Variants in CACNG5 observed in about 807,000 individuals in gnomAD.
The protein encoded by CACNG5 is voltage-dependent calcium channel gamma-5 subunit.
A neutral mutation model predicts 24.8 loss-of-function variants in CACNG5; 18 were observed. That is an observed-to-expected ratio of 0.73 (90% CI 0.50 to 1.08). CACNG5 has a LOEUF of 1.08. Among genes scored for constraint, CACNG5 ranks in the 50% least tolerant of loss-of-function variants. The pLI is 0.00. For missense variants in CACNG5, 349 were observed against 367.9 expected (o/e 0.95, Z 0.42); for synonymous variants, 157 against 149.1 (o/e 1.05, Z -0.39).
At chr17:66,865,268 GT>G (rs34773445) in intron 1 of CACNG5, among the ~76,000 whole-genome samples, 36,406 of 142,210 alleles carry the variant, frequency 0.26, 5,705 homozygotes, top group East Asian at 0.66. Context: ...CTATTTTTAT[GT>G]TTTTTTTTTT....
chr17:66,842,717 G>A (rs964356984), intron 1 of CACNG5, among the ~76,000 whole-genome samples: 11 of 152,308 alleles, frequency 7.2e-5, no homozygotes, highest in Admixed American at 5.2e-4. Context: ...GGCCATAAGA[G>A]CCCCAGGCAG....
rs1977369335 is a variant in CACNG5 at position 66,893,249 on chromosome 17, A to G, written c.*8009A>G. ...GGTAAATGTACCCTCTTCTATAATC[A>G]GAGAAATAATCCAGGTTCCCATCCA... On this transcript the variant is annotated 3_prime_UTR_variant, in exon 6 of 6. Coordinates refer to ENST00000533854, the MANE Select transcript of CACNG5 (RefSeq NM_145811.3). Among the ~76,000 whole-genome samples the G allele has an allele frequency of 1.3e-5, 2 of 152,160 alleles. No individual in the cohort carries two copies. Among genetic ancestry groups the G allele is most frequent in the Admixed American group, 6.5e-5 (1 of 15,272 alleles).
intron 1 of CACNG5, among the ~76,000 whole-genome samples, chr17:66,846,302 T>C (rs919232934): frequency 4.6e-5 from 7 of 152,232 alleles, no homozygotes; most frequent in African/African-American, 1.7e-4. Flanking sequence ...TTCAGTGGCA[T>C]TTGATACATT....
intron 5 of CACNG5, 119 bp downstream of exon 5, chr17:66,884,780 C>T: frequency 1.9e-6 from 3 of 1,613,492 alleles, no homozygotes; most frequent in Non-Finnish European, 2.5e-6. Flanking sequence ...CCGGACCACC[C>T]ACTCTACTTC....
rs1464956072 is a variant in CACNG5 at position 66,894,488 on chromosome 17, A to G, written c.*9248A>G. Among the ~76,000 whole-genome samples the G allele has an allele frequency of 6.6e-6, 1 of 151,890 alleles. No homozygotes were observed. Among genetic ancestry groups the G allele is most frequent in the Non-Finnish European group, 1.5e-5 (1 of 67,980 alleles). On this transcript the variant is annotated 3_prime_UTR_variant, in exon 6 of 6. Transcript: ENST00000533854. ...TGTCCTGGGCTGTTTCTCCGGTGTG[A>G]TTTCATTTTATTTGCTTTGAATCCT...
chr17:66,845,724 A>G (rs993780443), intron 1 of CACNG5, among the ~76,000 whole-genome samples: 1 of 152,180 alleles, frequency 6.6e-6, no homozygotes, highest in Non-Finnish European at 1.5e-5. Flanking sequence ...CATTCATGCC[A>G]TGGTCACTGA....
chr17:66,869,373 C>T (rs374053649), intron 1 of CACNG5, among the ~76,000 whole-genome samples: 1 of 152,180 alleles, frequency 6.6e-6, no homozygotes, highest in East Asian at 1.9e-4. Flanking sequence ...TGTGAGCCAA[C>T]TCGCCTGGCC....
intron 1 of CACNG5, among the ~76,000 whole-genome samples, chr17:66,876,367 T>C (rs552903568): frequency 2.6e-4 from 39 of 152,306 alleles, no homozygotes; most frequent in Admixed American, 1.7e-3. Flanking sequence ...AGACTGGCTA[T>C]GGGCTCCACG....
At chr17:66,842,025 C>G (rs542257804) in intron 1 of CACNG5, among the ~76,000 whole-genome samples, 1 of 152,314 alleles carries the variant, frequency 6.6e-6, no homozygotes, top group South Asian at 2.1e-4. Flanking sequence ...AAAGTAAAGG[C>G]CAGAAGAGGG....
At chr17:66,877,038 T>A (rs574480810) in intron 1 of CACNG5, among the ~76,000 whole-genome samples, 192 bp from the exon 2 acceptor site, 35 of 152,242 alleles carry the variant, frequency 2.3e-4, no homozygotes, top group African/African-American at 7.9e-4. Flanking sequence ...GCAAGGGGAC[T>A]CCCAGAGAGG....
At position 66,894,052 on chromosome 17, in the gene CACNG5, A is replaced by G. The variant is rs1480754997; in HGVS notation, c.*8812A>G. On this transcript the variant is annotated 3_prime_UTR_variant, in exon 6 of 6. Transcript: ENST00000533854. ...TCCAAAGTCCAGCGGTGTAGGTGCC[A>G]GGGTTCTTGACACCTGTTGTCCTGT... 1.3e-5 allele frequency among the ~76,000 whole-genome samples: 2 copies of G among 152,152 alleles called. No homozygotes were observed. Among genetic ancestry groups the G allele is most frequent in the African/African-American group, 4.8e-5 (2 of 41,420 alleles).
chr17:66,848,926 C>T (rs1420136878), intron 1 of CACNG5, among the ~76,000 whole-genome samples: 1 of 152,140 alleles, frequency 6.6e-6, no homozygotes, highest in Non-Finnish European at 1.5e-5. Context: ...GAGGGGTGTC[C>T]TCCCCAGGAA....
At chr17:66,876,964 T>G (rs1436529985) in intron 1 of CACNG5, among the ~76,000 whole-genome samples, 1 of 148,218 alleles carries the variant, frequency 6.7e-6, no homozygotes, top group African/African-American at 2.5e-5. Flanking sequence ...CTCCCATGTC[T>G]GGCACAATGG....
At chr17:66,859,229 T>A (rs1330646899) in intron 1 of CACNG5, among the ~76,000 whole-genome samples, 1 of 152,198 alleles carries the variant, frequency 6.6e-6, no homozygotes, top group Non-Finnish European at 1.5e-5. Context: ...CGCCCTGAAG[T>A]AGCTGGTACA....
rs188256709 is a variant in CACNG5 at position 66,889,756 on chromosome 17, C to A, written c.*4516C>A. On this transcript the variant is annotated 3_prime_UTR_variant, in exon 6 of 6. Coordinates refer to ENST00000533854, the MANE Select transcript of CACNG5 (RefSeq NM_145811.3). ...CAGTGCAGTGGTTGAGGCCCACCGA[C>A]GTTAGAAAAGGTAATTGCTTTACTC... Among the ~76,000 whole-genome samples the A allele has an allele frequency of 6.6e-6, 1 of 152,120 alleles. No homozygotes were observed. The highest frequency in any genetic ancestry group is 2.4e-5 in the African/African-American group (1 of 41,416).
At chr17:66,875,057 G>T (rs2143106333) in intron 1 of CACNG5, among the ~76,000 whole-genome samples, 1 of 152,276 alleles carries the variant, frequency 6.6e-6, no homozygotes, top group Admixed American at 6.5e-5. Context: ...TCTTCCCCAG[G>T]ACCTGGGTTC....
intron 1 of CACNG5, among the ~76,000 whole-genome samples, chr17:66,860,660 C>T (rs1002963409): frequency 6.7e-6 from 1 of 149,886 alleles, no homozygotes; most frequent in African/African-American, 2.5e-5. Flanking sequence ...AAAAGAAGGT[C>T]TTCAGACTGA....
intron 1 of CACNG5, among the ~76,000 whole-genome samples, chr17:66,851,032 G>C (rs536884400): frequency 6.6e-6 from 1 of 152,008 alleles, no homozygotes; most frequent in Non-Finnish European, 1.5e-5. Flanking sequence ...TTGGGCCCCC[G>C]CAAGGCCAGA....
intron 3 of CACNG5, among the ~76,000 whole-genome samples, chr17:66,879,837 A>C (rs1870988090): frequency 6.6e-6 from 1 of 152,128 alleles, no homozygotes; most frequent in South Asian, 2.1e-4. Context: ...ATTATTGATC[A>C]TGTGATTGAA....
Sources: allele counts gnomAD v4.1 joint callset (sites outside exome capture counted in the v4.1 genomes callset), GRCh38; gene constraint gnomAD v4.1.1; transcripts MANE v1.5; gene names NCBI Gene and HGNC (gene_info 2026-07-23, HGNC 2026-07-21).